The following TRABD2A variants were observed in gnomAD, a reference collection of about 807,000 sequenced individuals.
TRABD2A encodes the protein metalloprotease TIKI1.
A neutral mutation model predicts 45.6 loss-of-function variants in TRABD2A; 43 were observed. That is an observed-to-expected ratio of 0.94 (90% CI 0.74 to 1.22). The LOEUF (loss-of-function observed/expected upper bound fraction) is 1.22. TRABD2A is among the 50% of genes most tolerant of loss of function. The pLI is 0.00. For missense variants in TRABD2A, 642 were observed against 652.4 expected (o/e 0.98, Z 0.17); for synonymous variants, 269 against 265.0 (o/e 1.02, Z -0.15).
intron 2 of TRABD2A, among the ~76,000 whole-genome samples, chr2:84,864,582 C>T (rs1682613119): frequency 6.6e-6 from 1 of 152,020 alleles, no homozygotes; most frequent in Admixed American, 6.6e-5. Context: ...TTGCTGTGAC[C>T]CCAGGCCAGC....
chr2:84,828,204 G>C (rs1032919666), intron 5 of TRABD2A, among the ~76,000 whole-genome samples: 1 of 152,106 alleles, frequency 6.6e-6, no homozygotes, highest in Non-Finnish European at 1.5e-5. Context: ...CCTGCTGACA[G>C]GTGGAGAGTG....
At chr2:84,827,088 G>A (rs1681171755) in intron 5 of TRABD2A, among the ~76,000 whole-genome samples, 1 of 152,134 alleles carries the variant, frequency 6.6e-6, no homozygotes, top group Non-Finnish European at 1.5e-5. Context: ...GAGCCTCTGG[G>A]CTGGATCCCA....
At position 84,854,933 on chromosome 2, in the gene TRABD2A, C is replaced by A. The variant is rs566754648; in HGVS notation, c.670-12926G>T. The stretch of plus-strand genomic sequence containing the variant: ...GACCTTTCTCTCCTACTGGGTGTAC[C>A]AAAGGTGTCAAATCACTGTGCCCTT... On this transcript the variant is annotated intron_variant, in intron 2 of 6. Transcript: ENST00000409520. Among the ~76,000 whole-genome samples, 10 of 152,208 alleles carry A rather than the reference C, an allele frequency of 6.6e-5. No homozygotes were observed. In the East Asian group the frequency reaches 1.2e-3, roughly 18 times the overall value.
chr2:84,879,587 A>T, intron 1 of TRABD2A: 1 of 985,082 alleles, frequency 1.0e-6, no homozygotes, highest in African/African-American at 1.7e-5. Context: ...TCTTATCCAG[A>T]CTCACTCGTC....
At chr2:84,880,156 T>C (rs1683154677) in intron 1 of TRABD2A, among the ~76,000 whole-genome samples, 1 of 152,222 alleles carries the variant, frequency 6.6e-6, no homozygotes, top group South Asian at 2.1e-4. Flanking sequence ...CAGAAAATTC[T>C]GAGTGTAGGA....
chr2:84,829,401 A>C (rs915012877), intron 5 of TRABD2A, among the ~76,000 whole-genome samples: 10 of 145,534 alleles, frequency 6.9e-5, no homozygotes, highest in Admixed American at 2.7e-4. Context: ...CACACACACC[A>C]CACACACCAC....
Position 84,870,505 on chromosome 2 carries a change from A to T in TRABD2A, c.389T>A (p.Val130Asp). The T allele has an allele frequency of 6.2e-7, 1 of 1,614,008 alleles. No individual in the cohort carries two copies. The highest frequency in any genetic ancestry group is 8.5e-7 in the Non-Finnish European group (1 of 1,179,884). ...CATCCACAAGGGCATCATGAGCTTG[A>T]CATACTCCAGGTGGCGCTTGAGGCG... ...YCRLKRHLEY[V>D]KLMMPLWMTP... Residue 130 changes from valine to aspartate, a missense_variant, in exon 2 of 7, where the codon GTC (valine) becomes GAC (aspartate). By Grantham distance (152) the Val-to-Asp change is radical. Transcript: ENST00000409520.
At chr2:84,864,857 C>T (rs754108642) in intron 2 of TRABD2A, among the ~76,000 whole-genome samples, 7 of 152,226 alleles carry the variant, frequency 4.6e-5, no homozygotes, top group Non-Finnish European at 7.3e-5. Context: ...AATCTGACCC[C>T]TTCCTCCACA....
At chr2:84,878,510 T>C (rs889003031) in intron 1 of TRABD2A, among the ~76,000 whole-genome samples, 75 of 143,756 alleles carry the variant, frequency 5.2e-4, no homozygotes, top group African/African-American at 1.9e-3. Context: ...GGGTGACAGA[T>C]AGAGCAAGAC....
chr2:84,880,793 G>C, intron 1 of TRABD2A, 139 bp downstream of exon 1: 1 of 1,300,718 alleles, frequency 7.7e-7, no homozygotes, highest in African/African-American at 1.5e-5. Flanking sequence ...AGCGAGCAAG[G>C]AGCGCCGCGG....
At chr2:84,857,969 G>A (rs1682371491) in intron 2 of TRABD2A, among the ~76,000 whole-genome samples, 1 of 152,128 alleles carries the variant, frequency 6.6e-6, no homozygotes, top group South Asian at 2.1e-4. Context: ...TCAAACTTGT[G>A]GGCCCAAGTG....
rs1482737359 is a variant in TRABD2A, at chr2:84,841,967, C to A, written c.710G>T (p.Ser237Ile). The change falls in exon 3 of 7, where the codon AGC becomes ATC. Residue 237 changes from serine (S) to isoleucine (I), a missense_variant. By Grantham distance (142) the Ser-to-Ile change is moderately radical (BLOSUM62 -2). Transcript: ENST00000409520. ...GATCTGAAGACTGCCTGCTCGCAGG[C>A]TTTCCTGCTGCAGGAGGGTCTGGTT... The part of the protein sequence containing the change: ...ALNQTLLQQE[S>I]LRAGSLQIPY... The A allele has an allele frequency of 8.4e-6, 13 of 1,545,698 alleles. No individual in the cohort carries two copies. Among genetic ancestry groups the A allele is most frequent in the Non-Finnish European group, 1.1e-5 (13 of 1,144,730 alleles).
rs1295152241 is a variant in TRABD2A, at chr2:84,830,353, G to A, written c.1082+1702C>T. On this transcript the variant is annotated intron_variant, in intron 5 of 6. Transcript: ENST00000409520. The surrounding 1 kb of genome is among the most constrained non-coding windows in gnomAD (Gnocchi z 4.9). ...GCGTCAGTAAAGGAGAGGCGGGGAC[G>A]GGATGGAGGCTCTTCTGAAGCAAGC... 2.0e-5 allele frequency among the ~76,000 whole-genome samples: 3 copies of A among 152,152 alleles called. No individual in the cohort carries two copies. The highest frequency in any genetic ancestry group is 4.8e-5 in the African/African-American group (2 of 41,422).
chr2:84,878,092 G>A (rs866180960), intron 1 of TRABD2A, among the ~76,000 whole-genome samples: 6 of 152,186 alleles, frequency 3.9e-5, no homozygotes, highest in South Asian at 2.1e-4. Context: ...GGTAGTGGTG[G>A]CAGCAGTTGA....
At chr2:84,824,475 G>A (rs190104412) in intron 5 of TRABD2A, among the ~76,000 whole-genome samples, 42 of 150,200 alleles carry the variant, frequency 2.8e-4, no homozygotes, top group African/African-American at 1.0e-3. Flanking sequence ...ACTATTACAT[G>A]TACAGTAATT....
intron 5 of TRABD2A, among the ~76,000 whole-genome samples, chr2:84,824,615 A>G (rs894490477): frequency 6.8e-6 from 1 of 146,430 alleles, no homozygotes. Context: ...CAGTGGCCCA[A>G]TCATAGCTCA....
chr2:84,848,527 A>T (rs1408087868), intron 2 of TRABD2A, among the ~76,000 whole-genome samples: 1 of 148,028 alleles, frequency 6.8e-6, no homozygotes, highest in Non-Finnish European at 1.5e-5. Context: ...TATATATATA[A>T]TTTATATTAT....
chr2:84,877,100 A>G (rs1683048016), intron 1 of TRABD2A, among the ~76,000 whole-genome samples: 1 of 152,152 alleles, frequency 6.6e-6, no homozygotes, highest in Admixed American at 6.6e-5. Flanking sequence ...ACCAATAACC[A>G]TTCCTGTGGA....
chr2:84,844,056 A>G (rs915399786), intron 2 of TRABD2A: 2 of 152,228 alleles, frequency 1.3e-5, no homozygotes, highest in African/African-American at 4.8e-5. Flanking sequence ...GGTTCTGCAC[A>G]ATAGCCTCTT....
Sources: gnomAD v4.1 joint callset for allele counts (sites outside exome capture counted in the v4.1 genomes callset) on GRCh38, gnomAD v4.1.1 for gene constraint, Gnocchi (gnomAD v3.1) non-coding constraint, MANE v1.5 for transcripts, NCBI Gene and HGNC (gene_info 2026-07-23, HGNC 2026-07-21) for gene names.